The following EIF3A variants were observed in gnomAD, a reference collection of about 807,000 sequenced individuals.
EIF3A encodes the protein eukaryotic translation initiation factor 3 subunit A, also known as EIF3, p180 subunit.
In EIF3A, 21 loss-of-function variants were observed where a neutral mutation model predicts 186.6. The ratio of observed to expected loss-of-function variants is 0.11; its 90% CI spans 0.08 to 0.16. The LOEUF is 0.16. EIF3A is among the 10% of genes least tolerant of loss of function. The probability of loss-of-function intolerance (pLI) is 1.00; values close to 1 mark genes in which losing one functional copy is unlikely to be tolerated. For missense variants in EIF3A, 1,306 were observed against 1,796.3 expected (o/e 0.73, Z 4.93); for synonymous variants, 563 against 584.3 (o/e 0.96, Z 0.52).
intron 17 of EIF3A, among the ~76,000 whole-genome samples, chr10:119,045,404 AAG>A (rs1340785904): frequency 6.6e-6 from 1 of 152,318 alleles, no homozygotes; most frequent in East Asian, 1.9e-4. Flanking sequence ...GGGTTGTTCT[AAG>A]AGACTTTCCC....
At chr10:119,073,989 A>G (rs1335486854) in intron 1 of EIF3A, 52 bp from the exon 2 acceptor site, 1 of 1,410,274 alleles carries the variant, frequency 7.1e-7, no homozygotes, top group Non-Finnish European at 9.4e-7. Context: ...ACAAGAGTCT[A>G]AACTTTACCT....
rs1303612507 is a variant in EIF3A, at chr10:119,072,438, GTTTT to G, written c.541+448_541+451del. ...TTCCTTACTCAGTCATTTTGGTTTT[GTTTT>G]GTTTTGTTTTGTTTTGTTTTGTTTT... On this transcript the variant is annotated intron_variant, in intron 4 of 21. Transcript: ENST00000369144. Among the ~76,000 whole-genome samples, 13 of 5,760 alleles carry G rather than the reference GTTTT, an allele frequency of 2.3e-3. No individual in the cohort carries two copies. The South Asian group carries it at 0.039, about 17-fold the overall frequency. The allele number at this position is 5,760 out of a possible 152,430, so 3.8% of individuals were successfully genotyped here.
intron 14 of EIF3A, 38 bp downstream of exon 14, chr10:119,056,702 T>C: frequency 1.5e-6 from 2 of 1,329,076 alleles, no homozygotes; most frequent in Non-Finnish European, 2.1e-6. Flanking sequence ...AGGATTTTAT[T>C]ACAATCTAAA....
chr10:119,071,122 C>T (rs1047462725), intron 4 of EIF3A, 37 bp from the exon 5 acceptor site: 5 of 1,380,258 alleles, frequency 3.6e-6, no homozygotes, highest in Non-Finnish European at 4.1e-6. Context: ...AGGTACCTTC[C>T]ACTATCTACT....
At chr10:119,071,336 T>C (rs1844066563) in intron 4 of EIF3A, among the ~76,000 whole-genome samples, 1 of 152,058 alleles carries the variant, frequency 6.6e-6, no homozygotes, top group Non-Finnish European at 1.5e-5. Flanking sequence ...AGTTTACAAA[T>C]GGGAAACTAG....
At chr10:119,058,739 C>T (rs1473385154) in intron 11 of EIF3A, among the ~76,000 whole-genome samples, 2 of 152,330 alleles carry the variant, frequency 1.3e-5, no homozygotes, top group Middle Eastern at 3.4e-3. Flanking sequence ...AAAACATTAG[C>T]TGTGCACGTG....
intron 20 of EIF3A, among the ~76,000 whole-genome samples, chr10:119,037,871 G>A (rs1368408352): frequency 2.0e-5 from 3 of 150,080 alleles, no homozygotes; most frequent in African/African-American, 4.9e-5. Flanking sequence ...GGACAGCCAC[G>A]AAGTTTGGGC....
chr10:119,045,852 C>G (rs1848275969), intron 17 of EIF3A, among the ~76,000 whole-genome samples: 1 of 152,320 alleles, frequency 6.6e-6, no homozygotes, highest in East Asian at 1.9e-4. Context: ...TAGGCGTGAA[C>G]CAATGTGCCC....
At chr10:119,075,691 T>C (rs1457880173) in intron 1 of EIF3A, among the ~76,000 whole-genome samples, 1 of 145,850 alleles carries the variant, frequency 6.9e-6, no homozygotes, top group Non-Finnish European at 1.5e-5. Context: ...ATATCATTGT[T>C]TATTTTCCTT....
At chr10:119,068,053 C>G (rs1271719490) in intron 6 of EIF3A, among the ~76,000 whole-genome samples, 2 of 152,186 alleles carry the variant, frequency 1.3e-5, no homozygotes, top group Admixed American at 6.5e-5. Flanking sequence ...CTAAGTGATC[C>G]ACCCACCTTG....
chr10:119,047,690 T>C (rs1848299154), intron 17 of EIF3A, among the ~76,000 whole-genome samples: 1 of 152,114 alleles, frequency 6.6e-6, no homozygotes, highest in African/African-American at 2.4e-5. Context: ...GAAAAAAACA[T>C]TCATAGAACA....
At chr10:119,060,326 C>T (rs1188264991) in intron 9 of EIF3A, among the ~76,000 whole-genome samples, 8 of 152,092 alleles carry the variant, frequency 5.3e-5, no homozygotes, top group Admixed American at 5.2e-4. Context: ...AATCCATAAA[C>T]CCTATGACTA....
chr10:119,071,193 A>G (rs1844064470), intron 4 of EIF3A, 108 bp from the exon 5 acceptor site: 1 of 779,566 alleles, frequency 1.3e-6, no homozygotes, highest in East Asian at 2.7e-5. Flanking sequence ...AGGATTCACC[A>G]AACTCATCAT....
At position 119,034,509 on chromosome 10, in the gene EIF3A, C is replaced by T. The variant is rs1413607997; in HGVS notation, c.*1530G>A. 4.6e-5 allele frequency: 7 copies of T among 152,270 alleles called. No individual in the cohort carries two copies. The highest frequency in any genetic ancestry group is 3.9e-4 in the East Asian group (2 of 5,194). The allele number at this position is 152,270 out of a possible 1,614,324, so 9.4% of individuals were successfully genotyped here. A position where few individuals can be genotyped will look rare whatever the true frequency, so the allele number is the denominator to read the frequency against. ...TATGAAAGAAAAGTCCTTCTCCCCA[C>T]GAAAGACCTTTAAAGACTTCTACGT... is the stretch of plus-strand genomic sequence containing the variant. On this transcript the variant is annotated 3_prime_UTR_variant, in exon 22 of 22. Coordinates refer to ENST00000369144, the MANE Select transcript of EIF3A (RefSeq NM_003750.4).
chr10:119,067,512 G>A (rs772072903), intron 6 of EIF3A, among the ~76,000 whole-genome samples: 2 of 152,148 alleles, frequency 1.3e-5, no homozygotes, highest in Non-Finnish European at 2.9e-5. Context: ...AATAGTCTGA[G>A]CCCAGGAGTT....
At chr10:119,043,619 CAACA>C (rs1334790062) in intron 18 of EIF3A, among the ~76,000 whole-genome samples, 1 of 150,700 alleles carries the variant, frequency 6.6e-6, no homozygotes, top group Non-Finnish European at 1.5e-5. Flanking sequence ...ACAACAACAA[CAACA>C]AAAACAACAA....
intron 19 of EIF3A, among the ~76,000 whole-genome samples, chr10:119,039,571 G>C (rs975145540): frequency 2.0e-5 from 3 of 152,150 alleles, no homozygotes; most frequent in Non-Finnish European, 4.4e-5. Context: ...TCAGGAGGCT[G>C]ATGTGGTAGG....
At chr10:119,072,024 C>CAA (rs56100757) in intron 4 of EIF3A, among the ~76,000 whole-genome samples, 986 of 59,322 alleles carry the variant, frequency 0.017, 53 homozygotes, top group African/African-American at 0.04. Flanking sequence ...GACTCTGTCT[C>CAA]AAAAAAAAAA....
chr10:119,041,983 T>C lies in EIF3A; in HGVS notation c.3526+11A>G, dbSNP rs189113734. The C allele has an allele frequency of 7.9e-5, 128 of 1,612,330 alleles. No homozygotes were observed. In the African/African-American group the frequency reaches 8.3e-4, roughly 10 times the overall value. On this transcript the variant is annotated intron_variant, in intron 19 of 21. Transcript: ENST00000369144. ...GAACACTTAAGCATATTCTAGGAAA[T>C]AGAATTTTACCTGGCTTGACTAATG...
Sources: allele counts gnomAD v4.1 joint callset (sites outside exome capture counted in the v4.1 genomes callset), GRCh38; gene constraint gnomAD v4.1.1; transcripts MANE v1.5; gene names NCBI Gene and HGNC (gene_info 2026-07-23, HGNC 2026-07-21).